The following ENTPD3 variants were observed in gnomAD, a reference collection of about 807,000 sequenced individuals.
ENTPD3 encodes ectonucleoside triphosphate diphosphohydrolase 3.
In ENTPD3, 60 loss-of-function variants were observed where a neutral mutation model predicts 51.2. That is an observed-to-expected ratio of 1.17 (90% CI 0.95 to 1.45). The LOEUF (loss-of-function observed/expected upper bound fraction) is 1.45. Among genes scored for constraint, ENTPD3 ranks in the 40% most tolerant of loss-of-function variants. The pLI, the probability that ENTPD3 is intolerant of heterozygous loss-of-function variation, is 0.00. For synonymous variants in ENTPD3, 221 were observed against 238.4 expected (o/e 0.93, Z 0.67); for missense variants, 593 against 641.1 (o/e 0.93, Z 0.81).
At chr3:40,405,872 A>C (rs1289452684) in intron 4 of ENTPD3, among the ~76,000 whole-genome samples, 1 of 152,150 alleles carries the variant, frequency 6.6e-6, no homozygotes, top group Non-Finnish European at 1.5e-5. Context: ...TCCTTACTAC[A>C]GAGATGTATA....
chr3:40,406,325 G>C (rs551967323), intron 4 of ENTPD3, among the ~76,000 whole-genome samples: 5 of 152,316 alleles, frequency 3.3e-5, no homozygotes, highest in Admixed American at 1.3e-4. Flanking sequence ...GTGGCTGGAA[G>C]AAAGATGAGA....
intron 7 of ENTPD3, among the ~76,000 whole-genome samples, chr3:40,421,903 G>A (rs890666879): frequency 6.6e-6 from 1 of 152,110 alleles, no homozygotes; most frequent in South Asian, 2.1e-4. Context: ...CCAGAAAAAG[G>A]CCTGATGGCT....
At chr3:40,412,266 GTT>G (rs1192827089) in intron 5 of ENTPD3, among the ~76,000 whole-genome samples, 1 of 152,186 alleles carries the variant, frequency 6.6e-6, no homozygotes, top group Non-Finnish European at 1.5e-5. Context: ...AAAAGTAGTT[GTT>G]TTGACAGTTG....
At chr3:40,403,301 G>A (rs1256115576) in intron 4 of ENTPD3, among the ~76,000 whole-genome samples, 3 of 152,190 alleles carry the variant, frequency 2.0e-5, no homozygotes, top group Non-Finnish European at 4.4e-5. Flanking sequence ...AGATTATGGA[G>A]TGCAAGGTGG....
chr3:40,401,516 T>C (rs759666554), intron 4 of ENTPD3, among the ~76,000 whole-genome samples: 4 of 152,234 alleles, frequency 2.6e-5, no homozygotes, highest in Non-Finnish European at 4.4e-5. Context: ...GCAGTGAGCA[T>C]GCCTGCCTTT....
intron 3 of ENTPD3, among the ~76,000 whole-genome samples, chr3:40,398,289 T>C (rs1412543616): frequency 1.3e-5 from 2 of 152,134 alleles, no homozygotes; most frequent in Non-Finnish European, 2.9e-5. Flanking sequence ...GCACCCTTTT[T>C]GAAGGGTTGG....
At chr3:40,392,731 G>A (rs1955093063) in intron 3 of ENTPD3, among the ~76,000 whole-genome samples, 2 of 152,032 alleles carry the variant, frequency 1.3e-5, no homozygotes, top group Non-Finnish European at 2.9e-5. Flanking sequence ...CGAGGAAGAA[G>A]GATTGCTTGA....
At chr3:40,424,221 T>A (rs1955940497) in intron 10 of ENTPD3, 1 of 938,220 alleles carries the variant, frequency 1.1e-6, no homozygotes, top group African/African-American at 1.8e-5. Flanking sequence ...CAGAGACCTG[T>A]CTTGGTATCT....
intron 3 of ENTPD3, among the ~76,000 whole-genome samples, chr3:40,400,002 C>G (rs535746882): frequency 1.3e-5 from 2 of 152,254 alleles, no homozygotes; most frequent in African/African-American, 4.8e-5. Flanking sequence ...CGGTGGCTCA[C>G]GCCTGTAATC....
intron 3 of ENTPD3, among the ~76,000 whole-genome samples, chr3:40,394,086 T>G (rs1354325089): frequency 7.3e-6 from 1 of 137,104 alleles, no homozygotes. Context: ...GAACTGCAAC[T>G]AAGAGTAATA....
intron 4 of ENTPD3, among the ~76,000 whole-genome samples, chr3:40,411,582 AT>A (rs1955631955): frequency 6.6e-6 from 1 of 152,162 alleles, no homozygotes; most frequent in African/African-American, 2.4e-5. Flanking sequence ...TAATGAAAAC[AT>A]TTTTTTAAAG....
At chr3:40,388,612 ACACACACACAC>A (rs1181404843) in intron 2 of ENTPD3, among the ~76,000 whole-genome samples, 7 of 145,630 alleles carry the variant, frequency 4.8e-5, no homozygotes, top group Non-Finnish European at 1.1e-4. Context: ...ACACACACAC[ACACACACACAC>A]ACTTCTAAGC....
At chr3:40,395,796 G>A (rs556632698) in intron 3 of ENTPD3, among the ~76,000 whole-genome samples, 2 of 152,350 alleles carry the variant, frequency 1.3e-5, no homozygotes, top group East Asian at 3.9e-4. Flanking sequence ...GCAGGTGGAA[G>A]ATGGATAGTT....
chr3:40,400,264 C>CAAAAAAAA (rs374610863), intron 3 of ENTPD3, among the ~76,000 whole-genome samples: 2 of 72,564 alleles, frequency 2.8e-5, no homozygotes, highest in Non-Finnish European at 3.4e-5. Flanking sequence ...AACTGCATCT[C>CAAAAAAAA]AAAAAAAAAA....
chr3:40,402,045 TAAC>T (rs1214363088), intron 4 of ENTPD3, among the ~76,000 whole-genome samples: 2 of 151,958 alleles, frequency 1.3e-5, no homozygotes, highest in Non-Finnish European at 2.9e-5. Flanking sequence ...CTTTGTTCAC[TAAC>T]AACATTGGGT....
intron 10 of ENTPD3, chr3:40,424,844 C>A: frequency 1.4e-6 from 1 of 698,044 alleles, no homozygotes; most frequent in Non-Finnish European, 2.6e-6. Context: ...TAGATTAAAC[C>A]AATCAATATC....
At chr3:40,416,133 G>T in intron 7 of ENTPD3, 60 bp downstream of exon 7, 2 of 1,230,742 alleles carry the variant, frequency 1.6e-6, no homozygotes, top group Non-Finnish European at 2.4e-6. Context: ...GCTGAGGGGA[G>T]AATGCCCTGC....
chr3:40,388,903 G>T (rs1173673950), intron 2 of ENTPD3, among the ~76,000 whole-genome samples: 1 of 152,112 alleles, frequency 6.6e-6, no homozygotes, highest in Non-Finnish European at 1.5e-5. Context: ...GACTTAGGAG[G>T]CCAGCCACGT....
intron 10 of ENTPD3, chr3:40,424,994 A>G: frequency 2.4e-6 from 1 of 409,868 alleles, no homozygotes; most frequent in Non-Finnish European, 4.5e-6. Flanking sequence ...AATTACCAGT[A>G]AAGTATATTA....
Sources: allele counts gnomAD v4.1 joint callset (sites outside exome capture counted in the v4.1 genomes callset), GRCh38; gene constraint gnomAD v4.1.1; transcripts MANE v1.5; gene names NCBI Gene and HGNC (gene_info 2026-07-23, HGNC 2026-07-21).